The following HSDL1 variants were observed in gnomAD, a reference collection of about 807,000 sequenced individuals.
HSDL1 encodes hydroxysteroid dehydrogenase like 1.
HSDL1 carries 29 observed loss-of-function variants against 31.5 expected under a neutral mutation model. The observed-to-expected ratio is 0.92, with a 90% confidence interval of 0.69 to 1.26. HSDL1 has a LOEUF of 1.26. Ranked by LOEUF, HSDL1 falls within the 50% of genes most tolerant of loss-of-function variation. The pLI is 0.00. For missense variants in HSDL1, 503 were observed against 416.6 expected (o/e 1.21, Z -1.81); for synonymous variants, 222 against 155.2 (o/e 1.43, Z -3.20).
chr16:84,137,107 C>G (rs568357268), intron 1 of HSDL1, among the ~76,000 whole-genome samples: 1 of 152,296 alleles, frequency 6.6e-6, no homozygotes, highest in East Asian at 1.9e-4. Flanking sequence ...ATGAATAAAC[C>G]AGGACTCCGT....
chr16:84,129,541 C>A lies in HSDL1; in HGVS notation c.894+7G>T, dbSNP rs1404403610. 6.3e-7 allele frequency: 1 copy of A among 1,598,778 alleles called. No individual in the cohort carries two copies. Among genetic ancestry groups the A allele is most frequent in the Non-Finnish European group, 8.6e-7 (1 of 1,165,932 alleles). On this transcript the variant is annotated splice_region_variant and intron_variant, in intron 5 of 5. Coordinates refer to ENST00000219439, the MANE Select transcript of HSDL1 (RefSeq NM_031463.5). ...ATCTAATTATGAGACCTGAAGCACACTCCTACCTGAATAGAATGGGACCAA... is the reference window on the plus strand; with the variant it reads ...ATCTAATTATGAGACCTGAAGCACAATCCTACCTGAATAGAATGGGACCAA...
At position 84,130,404 on chromosome 16, in the gene HSDL1, T is replaced by C; in HGVS notation, c.248A>G (p.Tyr83Cys). The change falls in exon 4 of 6, where the codon TAC (tyrosine) becomes TGC (cysteine). Residue 83 changes from tyrosine to cysteine, a missense_variant. Coordinates refer to ENST00000219439, the MANE Select transcript of HSDL1 (RefSeq NM_031463.5). Reference sequence around the variant, plus strand: ...ACCTCGGCTTGCTAACTCTTCAGCGTAGGCTTTTCCAATCCCATCTGTTGC... The same window carrying C: ...ACCTCGGCTTGCTAACTCTTCAGCGCAGGCTTTTCCAATCCCATCTGTTGC... ...SGATDGIGKA[Y>C]AEELASRGLN... is the part of the protein sequence containing the mutation. 1 of 1,611,852 alleles carries C rather than the reference T, an allele frequency of 6.2e-7. No homozygotes were observed. Among genetic ancestry groups the C allele is most frequent in the Non-Finnish European group, 8.5e-7 (1 of 1,179,270 alleles).
chr16:84,130,135 T>G lies in HSDL1; in HGVS notation c.517A>C (p.Ile173Leu). The G allele has an allele frequency of 6.2e-7, 1 of 1,614,236 alleles. No individual in the cohort carries two copies. Among genetic ancestry groups the G allele is most frequent in the Non-Finnish European group, 8.5e-7 (1 of 1,180,042 alleles). The change falls in exon 4 of 6, where the codon ATC becomes CTC. Residue 173 changes from isoleucine to leucine, a missense_variant. Transcript: ENST00000219439. ...TQLSEDKLWD[I>L]INVNIAAASL... ...GCGGCGGCAATGTTCACATTTATGA[T>G]GTCCCAGAGCTTGTCCTCGGACAGC...
chr16:84,137,376 C>T (rs1248789910), intron 1 of HSDL1, among the ~76,000 whole-genome samples: 2 of 152,218 alleles, frequency 1.3e-5, no homozygotes, highest in Admixed American at 1.3e-4. Context: ...CCCATGTGTG[C>T]AGGCGCACAG....
Position 84,129,690 on chromosome 16 carries a change from A to G in HSDL1, c.752T>C (p.Val251Ala), listed in dbSNP as rs1324588219. The G allele has an allele frequency of 1.2e-6, 2 of 1,614,230 alleles. No individual in the cohort carries two copies. Among genetic ancestry groups the G allele is most frequent in the Non-Finnish European group, 1.7e-6 (2 of 1,180,022 alleles). Residue 251 changes from valine to alanine, a missense_variant, in exon 5 of 6, where the codon GTA becomes GCA. Transcript: ENST00000219439. ...IFVQSLIPFY[V>A]ATSMTAPSNF... The stretch of plus-strand genomic sequence containing the variant: ...GCTGGGTGCTGTCATGCTGGTGGCT[A>G]CATAGAAAGGGATTAGACTCTGTAC...
At chr16:84,127,209 C>CTTTTTTTTTTTTT (rs71148881) in intron 5 of HSDL1, among the ~76,000 whole-genome samples, 30 of 93,394 alleles carry the variant, frequency 3.2e-4, no homozygotes, top group Non-Finnish European at 4.3e-4. Context: ...ACTGTTTCTT[C>CTTTTTTTTTTTTT]TTTTTTTTTT....
chr16:84,136,036 C>T (rs945184019), intron 1 of HSDL1, among the ~76,000 whole-genome samples: 1 of 152,238 alleles, frequency 6.6e-6, no homozygotes, highest in African/African-American at 2.4e-5. Flanking sequence ...TCACCTGGGC[C>T]TCCCACTGCC....
At chr16:84,127,705 C>CT (rs2086622918) in intron 5 of HSDL1, among the ~76,000 whole-genome samples, 1 of 148,424 alleles carries the variant, frequency 6.7e-6, no homozygotes, top group African/African-American at 2.5e-5. Context: ...GGTACAGTGA[C>CT]TCACACTGGT....
chr16:84,142,167 A>T (rs1236299720), intron 1 of HSDL1, among the ~76,000 whole-genome samples: 1 of 152,054 alleles, frequency 6.6e-6, no homozygotes, highest in Non-Finnish European at 1.5e-5. Flanking sequence ...AGCTCAAACC[A>T]TTCACCTGCC....
intron 5 of HSDL1, among the ~76,000 whole-genome samples, chr16:84,126,607 G>C (rs1325980403): frequency 3.9e-5 from 6 of 152,066 alleles, no homozygotes; most frequent in African/African-American, 1.2e-4. Flanking sequence ...CGAAAGAGAA[G>C]AGAGACAGGC....
At chr16:84,135,228 G>C (rs368557493) in intron 2 of HSDL1, among the ~76,000 whole-genome samples, 1 of 149,608 alleles carries the variant, frequency 6.7e-6, no homozygotes, top group East Asian at 2.0e-4. Context: ...GGGAGACTCC[G>C]TCTCAAAAAA....
At chr16:84,130,766 G>A (rs1055676351) in intron 3 of HSDL1, among the ~76,000 whole-genome samples, 1 of 152,146 alleles carries the variant, frequency 6.6e-6, no homozygotes, top group Admixed American at 6.5e-5. Flanking sequence ...AAATTAAAAT[G>A]AAATTCAAAA....
chr16:84,129,875 A>T, intron 4 of HSDL1, 100 bp from the exon 5 acceptor site: 2 of 1,397,606 alleles, frequency 1.4e-6, no homozygotes, highest in Non-Finnish European at 2.0e-6. Flanking sequence ...GAAAAAATAC[A>T]GGATAAGCAT....
rs1159203964 is a variant in HSDL1, at chr16:84,123,416, A to G, written c.*1214T>C. ...ACTTAGAGTTTTCAAAGCACTAGGT[A>G]CATGGTCCTCAAAAATGGTTGGCTT... On this transcript the variant is annotated 3_prime_UTR_variant, in exon 6 of 6. Coordinates refer to ENST00000219439, the MANE Select transcript of HSDL1 (RefSeq NM_031463.5). The G allele has an allele frequency of 6.6e-6, 1 of 152,254 alleles. No homozygotes were observed. The highest frequency in any genetic ancestry group is 2.4e-5 in the African/African-American group (1 of 41,468). The allele number at this position is 152,254 out of a possible 1,614,324, so 9.4% of individuals were successfully genotyped here.
At chr16:84,129,101 G>C (rs2086636228) in intron 5 of HSDL1, among the ~76,000 whole-genome samples, 1 of 152,106 alleles carries the variant, frequency 6.6e-6, no homozygotes, top group Admixed American at 6.6e-5. Context: ...TAGTGTCTTT[G>C]GTCAGGCACG....
At chr16:84,143,249 AAAGG>A (rs1277317385) in intron 1 of HSDL1, among the ~76,000 whole-genome samples, 1 of 152,268 alleles carries the variant, frequency 6.6e-6, no homozygotes, top group East Asian at 1.9e-4. Flanking sequence ...TTATCCACAC[AAAGG>A]AGTATTATTC....
chr16:84,135,942 C>A (rs2086708102), intron 1 of HSDL1, among the ~76,000 whole-genome samples: 1 of 152,238 alleles, frequency 6.6e-6, no homozygotes, highest in East Asian at 1.9e-4. Context: ...GGGGAAACAC[C>A]GCCCAGGCAC....
chr16:84,127,366 C>T (rs758110915), intron 5 of HSDL1, among the ~76,000 whole-genome samples: 7 of 151,784 alleles, frequency 4.6e-5, no homozygotes, highest in Admixed American at 4.6e-4. Flanking sequence ...CAGGCGTGCA[C>T]CACCATGACC....
rs1225527685 is a variant in HSDL1 at position 84,123,168 on chromosome 16, T to G, written c.*1462A>C. The G allele has an allele frequency of 6.6e-6, 1 of 152,206 alleles. No individual in the cohort carries two copies. Among genetic ancestry groups the G allele is most frequent in the East Asian group, 1.9e-4 (1 of 5,198 alleles). The allele number at this position is 152,206 out of a possible 1,614,324, so 9.4% of individuals were successfully genotyped here. A position where few individuals can be genotyped will look rare whatever the true frequency, so the allele number is the denominator to read the frequency against. The stretch of plus-strand genomic sequence containing the variant: ...TGGAAGAGCTTCTGAAGTTGACCAC[T>G]GATCTTCTGAGTGCAAGTCACATCT... On this transcript the variant is annotated 3_prime_UTR_variant, in exon 6 of 6. Transcript: ENST00000219439.
Sources: allele counts gnomAD v4.1 joint callset (sites outside exome capture counted in the v4.1 genomes callset), GRCh38; gene constraint gnomAD v4.1.1; transcripts MANE v1.5; gene names NCBI Gene and HGNC (gene_info 2026-07-23, HGNC 2026-07-21).